Variants in WIPF1 observed in about 807,000 individuals in gnomAD.
WIPF1 encodes WAS/WASL interacting protein family member 1.
WIPF1 carries 13 observed loss-of-function variants against 35.4 expected under a neutral mutation model. The observed-to-expected ratio is 0.37, with a 90% CI of 0.24 to 0.58. WIPF1 has a LOEUF of 0.58. WIPF1 is among the 20% of genes least tolerant of loss of function. The probability of loss-of-function intolerance (pLI) is 0.74; values close to 1 mark genes in which losing one functional copy is unlikely to be tolerated. For missense variants in WIPF1, 591 were observed against 667.0 expected, an observed-to-expected ratio of 0.89 and a Z score of 1.25; for synonymous variants, 267 against 266.3, an observed-to-expected ratio of 1.00 and a Z score of -0.02.
intron 1 of WIPF1, among the ~76,000 whole-genome samples, chr2:174,635,604 T>C (rs968284717): frequency 6.7e-6 from 1 of 149,568 alleles, no homozygotes; most frequent in African/African-American, 2.5e-5. Context: ...AATTTGTGGA[T>C]ATAGGAAGTG....
intron 1 of WIPF1, among the ~76,000 whole-genome samples, chr2:174,628,491 T>C (rs1686917267): frequency 6.6e-6 from 1 of 152,214 alleles, no homozygotes; most frequent in Admixed American, 6.5e-5. Context: ...CCACAACCTT[T>C]CTCCAGGTAG....
chr2:174,579,727 G>A (rs1355350514), intron 3 of WIPF1, among the ~76,000 whole-genome samples: 2 of 152,194 alleles, frequency 1.3e-5, no homozygotes, highest in East Asian at 1.9e-4. Flanking sequence ...GGTCTAGACT[G>A]TCCAGCCTCC....
chr2:174,581,144 G>C, intron 3 of WIPF1, 166 bp downstream of exon 3: 1 of 925,096 alleles, frequency 1.1e-6, no homozygotes, highest in Non-Finnish European at 1.6e-6. Context: ...GGGAACCCAA[G>C]CCAAAGCTGC....
chr2:174,651,459 C>A (rs1310700762), intron 1 of WIPF1, among the ~76,000 whole-genome samples: 1 of 152,188 alleles, frequency 6.6e-6, no homozygotes, highest in African/African-American at 2.4e-5. Context: ...TAGTAACATA[C>A]CTTTTCAAAT....
chr2:174,660,596 G>A (rs775342678), intron 1 of WIPF1, among the ~76,000 whole-genome samples: 1 of 152,048 alleles, frequency 6.6e-6, no homozygotes, highest in African/African-American at 2.4e-5. Context: ...TGGGTCTCGG[G>A]GGAAACAGTT....
At chr2:174,638,817 G>C (rs1687238454) in intron 1 of WIPF1, among the ~76,000 whole-genome samples, 1 of 152,054 alleles carries the variant, frequency 6.6e-6, no homozygotes, top group East Asian at 1.9e-4. Context: ...CCACATCTTG[G>C]CTATTGTAAA....
chr2:174,626,999 T>C (rs140794429), intron 1 of WIPF1, among the ~76,000 whole-genome samples: 19 of 152,296 alleles, frequency 1.2e-4, no homozygotes, highest in African/African-American at 4.6e-4. Flanking sequence ...ACCTCCAAAT[T>C]ACTGGCTCCA....
intron 1 of WIPF1, among the ~76,000 whole-genome samples, chr2:174,644,119 A>G (rs1321638043): frequency 6.6e-6 from 1 of 151,934 alleles, no homozygotes; most frequent in Non-Finnish European, 1.5e-5. Context: ...TCTTTTCTAG[A>G]CTTTTTCTGA....
At chr2:174,627,266 T>C (rs939781055) in intron 1 of WIPF1, among the ~76,000 whole-genome samples, 3 of 152,176 alleles carry the variant, frequency 2.0e-5, no homozygotes, top group Non-Finnish European at 4.4e-5. Flanking sequence ...CCACATCTTT[T>C]AACTTGAATA....
At position 174,635,755 on chromosome 2, in the gene WIPF1, AT is replaced by A. The variant is rs540186765; in HGVS notation, c.-39+47018del. On this transcript the variant is annotated intron_variant, in intron 1 of 8. Coordinates refer to the WIPF1 transcript ENST00000272746. ...TTTTTAAAAAAATGCTTTTAAATGGATTTTTTTGTTTGTTTTTTAGAAAGGT... is the reference window on the plus strand; with the variant it reads ...TTTTTAAAAAAATGCTTTTAAATGGATTTTTTGTTTGTTTTTTAGAAAGGT... 1.5e-3 allele frequency among the ~76,000 whole-genome samples: 235 copies of A among 151,952 alleles called. 2 individuals carry two copies. The highest frequency in any genetic ancestry group is 5.4e-3 in the African/African-American group (225 of 41,430).
At position 174,568,038 on chromosome 2, in the gene WIPF1, C is replaced by T. The variant is rs765045748; in HGVS notation, c.1165G>A (p.Gly389Ser). 10 of 1,613,216 alleles carry T rather than the reference C, an allele frequency of 6.2e-6. No individual in the cohort carries two copies. Among genetic ancestry groups the T allele is most frequent in the African/African-American group, 5.3e-5 (4 of 74,894 alleles). Residue 389 changes from glycine to serine, a missense_variant, in exon 6 of 8, where the codon GGC becomes AGC. By Grantham distance (56) the Gly-to-Ser change is moderately conservative (BLOSUM62 0). Transcript: ENST00000679041. ...LPPPPPVSRN[G>S]STSRALPATP... ...GCAGGCAGGGCCCGAGATGTGCTGCCGTTTCTGCTTACTGGAGGAGGTGGT... is the reference window on the plus strand; with the variant it reads ...GCAGGCAGGGCCCGAGATGTGCTGCTGTTTCTGCTTACTGGAGGAGGTGGT...
chr2:174,665,967 C>T (rs191261167), intron 1 of WIPF1, among the ~76,000 whole-genome samples: 7 of 152,308 alleles, frequency 4.6e-5, no homozygotes, highest in Admixed American at 1.3e-4. Context: ...CCACTTGTAG[C>T]CTCTTAAATT....
At chr2:174,587,286 G>A (rs1312421680) in intron 1 of WIPF1, among the ~76,000 whole-genome samples, 1 of 152,046 alleles carries the variant, frequency 6.6e-6, no homozygotes, top group Non-Finnish European at 1.5e-5. Context: ...CATAGTGCTG[G>A]GATTACAGGT....
intron 3 of WIPF1, 74 bp from the exon 4 acceptor site, chr2:174,575,454 C>A: frequency 6.8e-7 from 1 of 1,479,886 alleles, no homozygotes; most frequent in East Asian, 2.4e-5. Flanking sequence ...AACAGTACAA[C>A]AGGGAGCTGG....
intron 1 of WIPF1, chr2:174,656,368 A>G (rs1389667833): frequency 7.9e-5 from 12 of 152,254 alleles, no homozygotes; most frequent in Admixed American, 7.8e-4. Flanking sequence ...AAGGGAATGA[A>G]GAATTACTTC....
chr2:174,622,835 A>G lies in WIPF1; in HGVS notation c.-38-37224T>C, dbSNP rs1316930444. On this transcript the variant is annotated intron_variant, in intron 1 of 8. Transcript: ENST00000272746. The surrounding 1 kb of genome is among the most constrained non-coding windows in gnomAD (Gnocchi z 5.1). ...TTTTCCAGAGGTTACAGAGCTGCCA[A>G]GTCTGGGATTTGAGCTTTTACCTAT... is the stretch of plus-strand genomic sequence containing the variant. Among the ~76,000 whole-genome samples, 1 of 152,204 alleles carries G rather than the reference A, an allele frequency of 6.6e-6. No homozygotes were observed. The highest frequency in any genetic ancestry group is 1.5e-5 in the Non-Finnish European group (1 of 68,036).
At chr2:174,611,682 ATGATCTCAT>A (rs1328757560) in intron 1 of WIPF1, among the ~76,000 whole-genome samples, 1 of 152,196 alleles carries the variant, frequency 6.6e-6, no homozygotes, top group African/African-American at 2.4e-5. Flanking sequence ...CTGGGATAAG[ATGATCTCAT>A]TGAGGCATCA....
chr2:174,680,633 A>T (rs1688226703), intron 1 of WIPF1, among the ~76,000 whole-genome samples: 1 of 152,238 alleles, frequency 6.6e-6, no homozygotes, highest in Non-Finnish European at 1.5e-5. Flanking sequence ...ACCTTGAAAT[A>T]GCAAAGACAA....
chr2:174,580,536 C>T (rs913123679), intron 3 of WIPF1, among the ~76,000 whole-genome samples: 7 of 152,152 alleles, frequency 4.6e-5, no homozygotes, highest in Admixed American at 2.6e-4. Context: ...TTTCCTGTTC[C>T]GTCCAAATGG....
Sources: gnomAD v4.1 joint callset for allele counts (sites outside exome capture counted in the v4.1 genomes callset) on GRCh38, gnomAD v4.1.1 for gene constraint, Gnocchi (gnomAD v3.1) non-coding constraint, MANE v1.5 for transcripts, NCBI Gene and HGNC (gene_info 2026-07-23, HGNC 2026-07-21) for gene names.